The following GUCY2F variants were observed in gnomAD, a reference collection of about 807,000 sequenced individuals.
GUCY2F encodes retinal guanylyl cyclase 2.
GUCY2F carries 61 observed loss-of-function variants against 73.1 expected under a neutral mutation model. The observed-to-expected ratio is 0.83, with a 90% CI of 0.68 to 1.03. The LOEUF is 1.03. GUCY2F is among the 50% of genes least tolerant of loss of function. The pLI, the probability that GUCY2F is intolerant of heterozygous loss-of-function variation, is 0.00. For synonymous variants in GUCY2F, 331 were observed against 307.8 expected, an observed-to-expected ratio of 1.08 and a Z score of -0.79; for missense variants, 912 against 854.3, an observed-to-expected ratio of 1.07 and a Z score of -0.84.
chrX:109,388,380 T>G, intron 15 of GUCY2F, 109 bp downstream of exon 15: 2 of 621,753 alleles, frequency 3.2e-6, no homozygotes, highest in Admixed American at 5.8e-5. Context: ...CCCGGACACC[T>G]GGATAATCCG....
At chrX:109,414,504 T>C (rs1248384888) in intron 8 of GUCY2F, among the ~76,000 whole-genome samples, 1 of 112,173 alleles carries the variant, frequency 8.9e-6, no homozygotes, top group East Asian at 2.8e-4. Context: ...TTTATTCATT[T>C]AAAAAACTTT....
chrX:109,398,214 A>G (rs1930754964), intron 11 of GUCY2F, among the ~76,000 whole-genome samples: 1 of 110,583 alleles, frequency 9.0e-6, no homozygotes, highest in African/African-American at 3.3e-5. Context: ...ATCCAGAAGC[A>G]TCATGAGGGA....
intron 7 of GUCY2F, 108 bp from the exon 8 acceptor site, chrX:109,430,504 T>TA (rs892526114): frequency 2.0e-6 from 1 of 504,439 alleles, no homozygotes; most frequent in Non-Finnish European, 3.4e-6. Flanking sequence ...GCAATCCAAA[T>TA]AGACATTTTC....
At chrX:109,377,793 G>A (rs185487291) in intron 17 of GUCY2F, among the ~76,000 whole-genome samples, 24 of 111,631 alleles carry the variant, frequency 2.1e-4, no homozygotes, top group Non-Finnish European at 1.3e-4. Context: ...TAGAGGGATT[G>A]TCCAAAGATT....
intron 8 of GUCY2F, among the ~76,000 whole-genome samples, chrX:109,427,591 G>A (rs974788355): frequency 3.6e-5 from 4 of 112,041 alleles, no homozygotes; most frequent in African/African-American, 6.5e-5. Context: ...CAGCCCTAAC[G>A]TTTTGAGGTC....
rs759833378 is a variant in GUCY2F, at chrX:109,388,548, GT to G, written c.2896del (p.Thr966LeufsTer42). 2 of 1,205,179 alleles carry G rather than the reference GT, an allele frequency of 1.7e-6. No individual in the cohort carries two copies. The highest frequency in any genetic ancestry group is 2.2e-6 in the Non-Finnish European group (2 of 889,931). On this transcript the variant is annotated frameshift_variant, in exon 15 of 20. Coordinates refer to ENST00000218006, the MANE Select transcript of GUCY2F (RefSeq NM_001522.3). LOFTEE classifies it high-confidence loss of function. ...MSLDILSSVG[T>X]FKMRHMPEVP... ...TTCTGGCATGTGCCGCATCTTGAAAGTGCCCACAGAGCTCAGGATATCTAAG... is the reference window on the plus strand; with the variant it reads ...TTCTGGCATGTGCCGCATCTTGAAAGGCCCACAGAGCTCAGGATATCTAAG...
intron 14 of GUCY2F, among the ~76,000 whole-genome samples, chrX:109,389,985 AC>A (rs1209487556): frequency 1.8e-5 from 2 of 112,113 alleles, no homozygotes; most frequent in Non-Finnish European, 3.8e-5. Flanking sequence ...AGGAAAGGAT[AC>A]CTACCCTCAG....
intron 3 of GUCY2F, among the ~76,000 whole-genome samples, chrX:109,458,212 T>C (rs1463211234): frequency 8.9e-6 from 1 of 112,075 alleles, no homozygotes; most frequent in African/African-American, 3.2e-5. Context: ...AGTAAAGCAT[T>C]GGCATTAGAT....
At chrX:109,376,981 C>G (rs1486103882) in intron 17 of GUCY2F, among the ~76,000 whole-genome samples, 1 of 111,810 alleles carries the variant, frequency 8.9e-6, no homozygotes, top group Non-Finnish European at 1.9e-5. Context: ...GATGTGTTTC[C>G]AACTCATTAA....
intron 3 of GUCY2F, among the ~76,000 whole-genome samples, chrX:109,454,164 G>C (rs1006566067): frequency 1.8e-5 from 2 of 111,627 alleles, no homozygotes; most frequent in Non-Finnish European, 3.8e-5. Context: ...ATTATAAAGG[G>C]CACTTAAGAA....
intron 14 of GUCY2F, among the ~76,000 whole-genome samples, chrX:109,389,000 G>A (rs149475971): frequency 3.1e-4 from 35 of 112,021 alleles, no homozygotes; most frequent in African/African-American, 7.8e-4. Flanking sequence ...CCATGGGGGA[G>A]CATCTTAGGA....
intron 8 of GUCY2F, among the ~76,000 whole-genome samples, chrX:109,420,107 T>C (rs1387501419): frequency 9.3e-6 from 1 of 107,533 alleles, no homozygotes. Context: ...TGGGTATCTA[T>C]ATGCAAAAAA....
chrX:109,398,236 T>C (rs1277941474), intron 11 of GUCY2F, among the ~76,000 whole-genome samples: 1 of 110,428 alleles, frequency 9.1e-6, no homozygotes, highest in African/African-American at 3.3e-5. Flanking sequence ...ACTAAAATAC[T>C]TGGCAGGGAG....
At chrX:109,434,644 G>C (rs1018444791) in intron 7 of GUCY2F, among the ~76,000 whole-genome samples, 1 of 109,903 alleles carries the variant, frequency 9.1e-6, no homozygotes, top group East Asian at 2.9e-4. Context: ...GATCCCATTT[G>C]TCAATTTTGG....
At chrX:109,460,884 C>A (rs1932350352) in intron 3 of GUCY2F, among the ~76,000 whole-genome samples, 1 of 111,347 alleles carries the variant, frequency 9.0e-6, no homozygotes, top group Non-Finnish European at 1.9e-5. Context: ...ATTTTACAGC[C>A]TTATCAGAAA....
At chrX:109,435,878 G>C (rs1931733468) in intron 7 of GUCY2F, among the ~76,000 whole-genome samples, 1 of 111,377 alleles carries the variant, frequency 9.0e-6, no homozygotes, top group Admixed American at 9.5e-5. Context: ...TGCATCTATT[G>C]AGATAATCAT....
At chrX:109,385,515 G>A (rs1247581265) in intron 15 of GUCY2F, among the ~76,000 whole-genome samples, 1 of 112,022 alleles carries the variant, frequency 8.9e-6, no homozygotes, top group Non-Finnish European at 1.9e-5. Flanking sequence ...TTTGTTCCAC[G>A]TAACAGTTAC....
intron 10 of GUCY2F, among the ~76,000 whole-genome samples, chrX:109,399,479 C>T (rs767263952): frequency 8.9e-6 from 1 of 112,740 alleles, no homozygotes; most frequent in Non-Finnish European, 1.9e-5. Flanking sequence ...AACATTATTT[C>T]TGCATTCAGA....
chrX:109,472,268 GAAA>G (rs780268734), intron 2 of GUCY2F, among the ~76,000 whole-genome samples: 1 of 89,985 alleles, frequency 1.1e-5, no homozygotes. Flanking sequence ...AACAGATCAG[GAAA>G]AAAAAAAAAA....
Sources: allele counts gnomAD v4.1 joint callset (sites outside exome capture counted in the v4.1 genomes callset), GRCh38; gene constraint gnomAD v4.1.1; transcripts MANE v1.5; gene names NCBI Gene and HGNC (gene_info 2026-07-23, HGNC 2026-07-21).